GALNT17: variants seen among roughly 807,000 people sequenced by gnomAD.
GALNT17 encodes UDP-GalNAc:polypeptide N-acetylgalactosaminyltransferase-like 3.
Under a neutral mutation model 63.7 loss-of-function variants are expected in GALNT17, and 29 were observed. The ratio of observed to expected loss-of-function variants is 0.46; its 90% CI spans 0.34 to 0.62. The LOEUF is 0.62. Ranked by LOEUF, GALNT17 falls within the 20% of genes least tolerant of loss-of-function variation. The pLI, the probability that GALNT17 is intolerant of heterozygous loss-of-function variation, is 0.01. For synonymous variants in GALNT17, 305 were observed against 318.3 expected (o/e 0.96, Z 0.45); for missense variants, 603 against 799.6 (o/e 0.75, Z 2.97).
intron 6 of GALNT17, among the ~76,000 whole-genome samples, chr7:71,640,975 CTG>C (rs1388170294): frequency 1.3e-5 from 2 of 152,164 alleles, no homozygotes; most frequent in African/African-American, 4.8e-5. Context: ...GATTCCCTAA[CTG>C]TGATAAAATG....
chr7:71,296,735 G>T (rs1365947928), intron 1 of GALNT17, among the ~76,000 whole-genome samples: 1 of 151,288 alleles, frequency 6.6e-6, no homozygotes, highest in Non-Finnish European at 1.5e-5. Context: ...TTTAGACAGG[G>T]TATATGTATG....
At chr7:71,453,318 A>G (rs562246500) in intron 5 of GALNT17, among the ~76,000 whole-genome samples, 12 of 152,314 alleles carry the variant, frequency 7.9e-5, no homozygotes, top group African/African-American at 2.9e-4. Flanking sequence ...CATTGCTGAT[A>G]AAGATATAAC....
chr7:71,496,045 G>T (rs1788088988), intron 5 of GALNT17, among the ~76,000 whole-genome samples: 1 of 152,194 alleles, frequency 6.6e-6, no homozygotes, highest in Non-Finnish European at 1.5e-5. Context: ...ACCATCTGTG[G>T]GGGCTCCAGC....
At chr7:71,588,863 A>G (rs1471768169) in intron 6 of GALNT17, among the ~76,000 whole-genome samples, 1 of 151,970 alleles carries the variant, frequency 6.6e-6, no homozygotes, top group African/African-American at 2.4e-5. Context: ...GAACTTCCAG[A>G]CATAAGAAAA....
intron 1 of GALNT17, among the ~76,000 whole-genome samples, chr7:71,237,960 A>T (rs1182173771): frequency 6.6e-6 from 1 of 152,208 alleles, no homozygotes; most frequent in African/African-American, 2.4e-5. Context: ...TTGAGAAATA[A>T]ACACGGGAAT....
At chr7:71,704,537 T>G (rs1306917647) in intron 9 of GALNT17, among the ~76,000 whole-genome samples, 1 of 149,608 alleles carries the variant, frequency 6.7e-6, no homozygotes, top group Non-Finnish European at 1.5e-5. Flanking sequence ...AAAATACATA[T>G]GAAATTCAAG....
At chr7:71,302,262 G>GT (rs748817125) in intron 1 of GALNT17, among the ~76,000 whole-genome samples, 80 of 152,250 alleles carry the variant, frequency 5.3e-4, no homozygotes, top group Non-Finnish European at 8.7e-4. Context: ...GAATACCTAG[G>GT]TGATGGGTTG....
At chr7:71,428,218 C>G (rs2960866) in intron 5 of GALNT17, among the ~76,000 whole-genome samples, 2 of 152,106 alleles carry the variant, frequency 1.3e-5, no homozygotes, top group Non-Finnish European at 2.9e-5. Context: ...CCCCAAATAG[C>G]GACCCAGTGC....
intron 6 of GALNT17, among the ~76,000 whole-genome samples, chr7:71,657,156 C>CA (rs1436093943): frequency 6.6e-6 from 1 of 152,156 alleles, no homozygotes; most frequent in African/African-American, 2.4e-5. Flanking sequence ...AAGGTGAGAA[C>CA]AGCTGCCTCA....
chr7:71,542,795 T>G (rs571808193), intron 5 of GALNT17, among the ~76,000 whole-genome samples: 25 of 152,082 alleles, frequency 1.6e-4, no homozygotes, highest in Non-Finnish European at 2.8e-4. Context: ...ACTTTCCTTG[T>G]CCCTTTGAGA....
At chr7:71,328,519 C>T (rs1791743744) in intron 1 of GALNT17, among the ~76,000 whole-genome samples, 1 of 152,192 alleles carries the variant, frequency 6.6e-6, no homozygotes, top group Admixed American at 6.5e-5. Flanking sequence ...ATCATCCCAA[C>T]TTGCTCCAAC....
intron 3 of GALNT17, among the ~76,000 whole-genome samples, chr7:71,388,823 G>A (rs144283378): frequency 3.9e-5 from 6 of 152,028 alleles, no homozygotes; most frequent in South Asian, 2.1e-4. Flanking sequence ...CACCGTGCCC[G>A]GCCCAAGATT....
In GALNT17 at chr7:71,425,513, C is replaced by T. The variant is rs941399880; in HGVS notation, c.962+4408C>T. Among the ~76,000 whole-genome samples the T allele has an allele frequency of 2.6e-5, 4 of 152,272 alleles. No individual in the cohort carries two copies. In the South Asian group the frequency reaches 6.2e-4, roughly 24 times the overall value. On this transcript the variant is annotated intron_variant, in intron 5 of 10. Transcript: ENST00000333538. The stretch of plus-strand genomic sequence containing the variant: ...CTAGGATTACAGGCGTGAGCCACTG[C>T]GCCTGGCCCAGAATTTTAAGAGAAG...
At chr7:71,534,959 C>A (rs1788780966) in intron 5 of GALNT17, among the ~76,000 whole-genome samples, 1 of 152,156 alleles carries the variant, frequency 6.6e-6, no homozygotes, top group Non-Finnish European at 1.5e-5. Flanking sequence ...ATATTCCCAG[C>A]TGGTTGTTTC....
At chr7:71,545,241 C>G (rs1362874641) in intron 5 of GALNT17, among the ~76,000 whole-genome samples, 3 of 152,122 alleles carry the variant, frequency 2.0e-5, no homozygotes, top group African/African-American at 7.2e-5. Context: ...AGAAGTTTCA[C>G]TTGGCTATTT....
intron 1 of GALNT17, among the ~76,000 whole-genome samples, chr7:71,135,351 TG>T (rs1787764721): frequency 1.3e-5 from 2 of 152,098 alleles, no homozygotes; most frequent in Non-Finnish European, 2.9e-5. Flanking sequence ...AGTTGAGAAA[TG>T]AGAAAACTAG....
intron 5 of GALNT17, among the ~76,000 whole-genome samples, chr7:71,446,023 C>G (rs574405408): frequency 6.6e-6 from 1 of 152,206 alleles, no homozygotes; most frequent in Non-Finnish European, 1.5e-5. Context: ...CTTGAAGAAG[C>G]TTGAAATTGC....
At chr7:71,336,136 T>G (rs1379333874) in intron 2 of GALNT17, among the ~76,000 whole-genome samples, 1 of 151,046 alleles carries the variant, frequency 6.6e-6, no homozygotes, top group Non-Finnish European at 1.5e-5. Context: ...CCTCCGCCTT[T>G]TGGGGTTTAG....
chr7:71,326,415 C>T (rs563890198), intron 1 of GALNT17, among the ~76,000 whole-genome samples: 1 of 152,110 alleles, frequency 6.6e-6, no homozygotes, highest in African/African-American at 2.4e-5. Flanking sequence ...GGTAAGATCA[C>T]CCCCACTACA....
Sources: gnomAD v4.1 joint callset for allele counts (sites outside exome capture counted in the v4.1 genomes callset) on GRCh38, gnomAD v4.1.1 for gene constraint, MANE v1.5 for transcripts, NCBI Gene and HGNC (gene_info 2026-07-23, HGNC 2026-07-21) for gene names.